GTF2E1: variants seen among roughly 807,000 people sequenced by gnomAD.
GTF2E1 encodes general transcription factor IIE subunit 1, also known as TFIIE alpha subunit.
Under a neutral mutation model 34.9 loss-of-function variants are expected in GTF2E1, and 14 were observed. The observed-to-expected ratio is 0.40, with a 90% CI of 0.27 to 0.63. The LOEUF (loss-of-function observed/expected upper bound fraction) is 0.63, where lower values mean the gene tolerates loss of function less well. Ranked by LOEUF, GTF2E1 falls within the 20% of genes least tolerant of loss-of-function variation. The pLI is 0.39. For synonymous variants in GTF2E1, 188 were observed against 192.9 expected (o/e 0.97, Z 0.21); for missense variants, 469 against 557.7 (o/e 0.84, Z 1.60).
chr3:120,773,287 T>C (rs1406824074), intron 3 of GTF2E1, among the ~76,000 whole-genome samples: 1 of 152,126 alleles, frequency 6.6e-6, no homozygotes, highest in Non-Finnish European at 1.5e-5. Flanking sequence ...GTATGAAGTT[T>C]TGAAATGGCC....
chr3:120,756,890 C>T (rs1340137120), intron 2 of GTF2E1, among the ~76,000 whole-genome samples: 1 of 152,144 alleles, frequency 6.6e-6, no homozygotes, highest in African/African-American at 2.4e-5. Context: ...CGCACCACTG[C>T]ACTCCAGTCT....
At chr3:120,745,208 G>T (rs1709095041) in intron 1 of GTF2E1, among the ~76,000 whole-genome samples, 1 of 152,114 alleles carries the variant, frequency 6.6e-6, no homozygotes, top group Admixed American at 6.5e-5. Context: ...ACTGCACTTG[G>T]CTTAATCACT....
At chr3:120,774,942 T>G (rs569099926) in intron 3 of GTF2E1, among the ~76,000 whole-genome samples, 7 of 152,304 alleles carry the variant, frequency 4.6e-5, no homozygotes, top group African/African-American at 1.2e-4. Flanking sequence ...TATTTTTTTG[T>G]TGCACAAGTA....
chr3:120,743,877 G>A (rs1012093548), intron 1 of GTF2E1, among the ~76,000 whole-genome samples: 1 of 152,152 alleles, frequency 6.6e-6, no homozygotes, highest in Non-Finnish European at 1.5e-5. Context: ...CTCTGGCTCC[G>A]TGCCTGGTGC....
chr3:120,753,579 A>G (rs757130611), intron 2 of GTF2E1, among the ~76,000 whole-genome samples: 49 of 152,160 alleles, frequency 3.2e-4, no homozygotes, highest in Non-Finnish European at 6.0e-4. Flanking sequence ...TTCCCTGACA[A>G]AAGGTGCTTA....
At chr3:120,755,555 A>G (rs1031055880) in intron 2 of GTF2E1, among the ~76,000 whole-genome samples, 10 of 152,192 alleles carry the variant, frequency 6.6e-5, no homozygotes, top group Non-Finnish European at 1.3e-4. Context: ...TGATACAGGC[A>G]TGCAATGTGT....
rs1709158199 is a variant in GTF2E1, at chr3:120,750,751, A to G, written c.199A>G (p.Lys67Glu). 6.2e-7 allele frequency: 1 copy of G among 1,613,888 alleles called. No individual in the cohort carries two copies. Among genetic ancestry groups the G allele is most frequent in the Non-Finnish European group, 8.5e-7 (1 of 1,179,936 alleles). ...ACTTCGATCAGTTTTGAATAATTTA[A>G]AGGGAGACAAGTTTATCAAATGCAG... ...KQLRSVLNNL[K>E]GDKFIKCRMR... Residue 67 changes from lysine to glutamate, a missense_variant, in exon 2 of 5, where the codon AAG becomes GAG. Physicochemically the swap from Lys to Glu is moderately conservative, Grantham distance 56 (BLOSUM62 1). Coordinates refer to ENST00000283875, the MANE Select transcript of GTF2E1 (RefSeq NM_005513.3).
chr3:120,778,055 A>G lies in GTF2E1; in HGVS notation c.892+1391A>G, dbSNP rs527584979. On this transcript the variant is annotated intron_variant, in intron 4 of 4. Transcript: ENST00000283875. ...GTTATTTAGATTGAAGTTGTTTTAG[A>G]TTATACAGTAGTTAGGCTATACTAC... Among the ~76,000 whole-genome samples the G allele has an allele frequency of 1.3e-4, 20 of 152,314 alleles. No homozygotes were observed. The East Asian group carries it at 3.9e-3, about 29-fold the overall frequency.
chr3:120,780,931 A>T, intron 4 of GTF2E1, 112 bp from the exon 5 acceptor site: 1 of 709,368 alleles, frequency 1.4e-6, no homozygotes, highest in Non-Finnish European at 2.3e-6. Flanking sequence ...GGAACCAGTG[A>T]AGTCTGTTAT....
chr3:120,781,072 C>T lies in GTF2E1; in HGVS notation c.922C>T (p.Arg308Cys), dbSNP rs763489357. 1.1e-5 allele frequency: 18 copies of T among 1,613,490 alleles called. 1 individual carries two copies. The highest frequency in any genetic ancestry group is 4.0e-5 in the African/African-American group (3 of 75,026). ...GGIDMDAFQE[R>C]EEGHAGPDDN... ...CATAGATATGGACGCATTTCAGGAGCGTGAGGAAGGCCATGCTGGGCCTGA... is the reference window on the plus strand; with the variant it reads ...CATAGATATGGACGCATTTCAGGAGTGTGAGGAAGGCCATGCTGGGCCTGA... The change falls in exon 5 of 5, where the codon CGT (arginine) becomes TGT (cysteine). Residue 308 changes from arginine to cysteine, a missense_variant. Arg to Cys is a radical substitution (Grantham distance 180). Transcript: ENST00000283875.
At chr3:120,745,922 T>C (rs1709101070) in intron 1 of GTF2E1, among the ~76,000 whole-genome samples, 2 of 152,210 alleles carry the variant, frequency 1.3e-5, no homozygotes. Context: ...GCAGGAAGGC[T>C]CTAAGTTCAC....
At chr3:120,757,281 C>A (rs961876807) in intron 2 of GTF2E1, among the ~76,000 whole-genome samples, 2 of 152,138 alleles carry the variant, frequency 1.3e-5, no homozygotes, top group Non-Finnish European at 2.9e-5. Context: ...CATGATTAGA[C>A]CAAATCCAGA....
intron 2 of GTF2E1, among the ~76,000 whole-genome samples, chr3:120,765,440 T>G (rs1709299468): frequency 1.3e-5 from 2 of 152,226 alleles, no homozygotes. Flanking sequence ...AATTATTTGT[T>G]ATAAATCTTT....
intron 3 of GTF2E1, among the ~76,000 whole-genome samples, chr3:120,773,283 A>G (rs1469076490): frequency 6.6e-6 from 1 of 152,138 alleles, no homozygotes; most frequent in Non-Finnish European, 1.5e-5. Context: ...AGGAGTATGA[A>G]GTTTTGAAAT....
chr3:120,774,284 G>C (rs1709380138), intron 3 of GTF2E1, among the ~76,000 whole-genome samples: 1 of 152,158 alleles, frequency 6.6e-6, no homozygotes, highest in South Asian at 2.1e-4. Context: ...AAAGGAGTCA[G>C]AGAGACAAAT....
At chr3:120,752,005 T>C (rs75862706) in intron 2 of GTF2E1, among the ~76,000 whole-genome samples, 33,136 of 152,034 alleles carry the variant, frequency 0.22, 4,537 homozygotes, top group Non-Finnish European at 0.3. Flanking sequence ...TGGTACATTT[T>C]AAATAATTAA....
chr3:120,770,518 C>T lies in GTF2E1; in HGVS notation c.449-210C>T, dbSNP rs903935625. 2.0e-5 allele frequency among the ~76,000 whole-genome samples: 3 copies of T among 152,046 alleles called. No individual in the cohort carries two copies. In the South Asian group the frequency reaches 6.2e-4, roughly 31 times the overall value. On this transcript the variant is annotated intron_variant, in intron 2 of 4. Coordinates refer to ENST00000283875, the MANE Select transcript of GTF2E1 (RefSeq NM_005513.3). Reference sequence around the variant, plus strand: ...GTTAGGGATGAAATTACTTTGAATACATCAAAAATGATAGATGGATAGATA... The same window carrying T: ...GTTAGGGATGAAATTACTTTGAATATATCAAAAATGATAGATGGATAGATA...
chr3:120,760,945 G>T (rs1046932094), intron 2 of GTF2E1, among the ~76,000 whole-genome samples: 1 of 152,302 alleles, frequency 6.6e-6, no homozygotes, highest in East Asian at 1.9e-4. Context: ...CTCATAAAAT[G>T]AGTTAAGGAG....
At chr3:120,779,391 AAGG>A (rs1325064410) in intron 4 of GTF2E1, among the ~76,000 whole-genome samples, 1 of 152,230 alleles carries the variant, frequency 6.6e-6, no homozygotes, top group Non-Finnish European at 1.5e-5. Context: ...AGTAAGCTCT[AAGG>A]AGGAGGTTCA....
Sources: gnomAD v4.1 joint callset for allele counts (sites outside exome capture counted in the v4.1 genomes callset) on GRCh38, gnomAD v4.1.1 for gene constraint, MANE v1.5 for transcripts, NCBI Gene and HGNC (gene_info 2026-07-23, HGNC 2026-07-21) for gene names.